Variants in IL1A observed in about 807,000 individuals in gnomAD.
IL1A encodes the protein interleukin 1 alpha, also known as interleukin-1 alpha.
Under a neutral mutation model 22.2 loss-of-function variants are expected in IL1A, and 16 were observed. The observed-to-expected ratio is 0.72, with a 90% CI of 0.49 to 1.09. The LOEUF is 1.09. Among genes scored for constraint, IL1A ranks in the 50% least tolerant of loss-of-function variants. The pLI, the probability that IL1A is intolerant of heterozygous loss-of-function variation, is 0.00. For synonymous variants in IL1A, 113 were observed against 118.5 expected, an observed-to-expected ratio of 0.95 and a Z score of 0.30; for missense variants, 317 against 321.8, an observed-to-expected ratio of 0.99 and a Z score of 0.11.
intron 5 of IL1A, among the ~76,000 whole-genome samples, chr2:112,778,728 A>G (rs1183983994): frequency 2.0e-5 from 3 of 152,226 alleles, no homozygotes; most frequent in Non-Finnish European, 4.4e-5. Context: ...TGAATTGTCT[A>G]GTGATATTAA....
At chr2:112,775,597 G>A (rs1681086165) in intron 6 of IL1A, among the ~76,000 whole-genome samples, 1 of 152,094 alleles carries the variant, frequency 6.6e-6, no homozygotes, top group African/African-American at 2.4e-5. Context: ...CTTCAACATA[G>A]GCCTAAGACA....
chr2:112,775,686 T>TG (rs3783549), intron 6 of IL1A, among the ~76,000 whole-genome samples: 104,418 of 151,864 alleles, frequency 0.69, 36,624 homozygotes, highest in Middle Eastern at 0.79. Flanking sequence ...ATCATACCTT[T>TG]GGAAATCAAT....
chr2:112,781,627 G>C lies in IL1A; in HGVS notation c.296C>G (p.Ala99Gly). 1 of 1,613,638 alleles carries C rather than the reference G, an allele frequency of 6.2e-7. No homozygotes were observed. Among genetic ancestry groups the C allele is most frequent in the Non-Finnish European group, 8.5e-7 (1 of 1,179,552 alleles). The stretch of plus-strand genomic sequence containing the variant: ...ACCTTCCTCTGAGTCATTGGCGATG[G>C]CCTCCAGGTCATCATCAGTGATGGA... ...SQSITDDDLE[A>G]IANDSEEEII... Residue 99 changes from alanine to glycine, a missense_variant, in exon 4 of 7, where the codon GCC becomes GGC. Physicochemically the swap from Ala to Gly is moderately conservative, Grantham distance 60. Coordinates refer to ENST00000263339, the MANE Select transcript of IL1A (RefSeq NM_000575.5).
Position 112,781,800 on chromosome 2 carries a change from G to T in IL1A, c.123C>A (p.Gly41=). 6.2e-7 allele frequency: 1 copy of T among 1,613,502 alleles called. No homozygotes were observed. The highest frequency in any genetic ancestry group is 8.5e-7 in the Non-Finnish European group (1 of 1,179,408). The part of the protein sequence containing the change: ...NQKSFYHVSY[G]PLHEGCMDQS... ...GATCCATGCAGCCTTCATGGAGTGGGCCATAGCTTACATGATAGAAGGATT... is the reference window on the plus strand; with the variant it reads ...GATCCATGCAGCCTTCATGGAGTGGTCCATAGCTTACATGATAGAAGGATT... The change falls in exon 4 of 7, where the codon GGC becomes GGA. Residue 41 remains glycine, a synonymous_variant. Coordinates refer to ENST00000263339, the MANE Select transcript of IL1A (RefSeq NM_000575.5).
rs1221292814 is a variant in IL1A at position 112,782,744 on chromosome 2, G to A, written c.68C>T (p.Ser23Phe). The A allele has an allele frequency of 6.2e-7, 1 of 1,608,386 alleles. No individual in the cohort carries two copies. The highest frequency in any genetic ancestry group is 2.2e-5 in the East Asian group (1 of 44,842). ...ATTCAGAGACAGATGATCAATGGAG[G>A]AACTGTCTTCTTCATTTTCACTGTC... ...NCYSENEEDSSSIDHLSLNQK... is the reference protein window; with the variant it reads ...NCYSENEEDSFSIDHLSLNQK... The change falls in exon 3 of 7, where the codon TCC becomes TTC. Residue 23 changes from serine (S) to phenylalanine (F), a missense_variant. Ser to Phe is a radical substitution (Grantham distance 155). Coordinates refer to ENST00000263339, the MANE Select transcript of IL1A (RefSeq NM_000575.5).
intron 4 of IL1A, among the ~76,000 whole-genome samples, chr2:112,781,019 C>CAA (rs1448538263): frequency 1.4e-5 from 2 of 147,432 alleles, no homozygotes; most frequent in African/African-American, 5.1e-5. Flanking sequence ...GACTCCATCT[C>CAA]AAAAAAATAA....
intron 1 of IL1A, 44 bp from the exon 2 acceptor site, chr2:112,783,822 A>C: frequency 6.4e-7 from 1 of 1,554,474 alleles, no homozygotes; most frequent in Non-Finnish European, 8.9e-7. Flanking sequence ...GCCAGCCTCT[A>C]ATCCAGATAT....
chr2:112,780,722 G>A (rs1681180912), intron 4 of IL1A, among the ~76,000 whole-genome samples: 1 of 97,098 alleles, frequency 1.0e-5, no homozygotes, highest in Non-Finnish European at 2.2e-5. Context: ...TATTCATATA[G>A]GTAGTAGTAG....
Position 112,779,503 on chromosome 2 carries a change from A to G in IL1A, c.483T>C (p.Asp161=). The change falls in exon 5 of 7, where the codon GAT becomes GAC. Residue 161 remains aspartate, a synonymous_variant. Transcript: ENST00000263339. ...YLTAAALHNL[D]EAVKFDMGAY... ...GGTGCCATTTTAATGTACCTGCTTC[A>G]TCCAGATTATGTAATGCAGCAGCCG... 3 of 1,579,622 alleles carry G rather than the reference A, an allele frequency of 1.9e-6. No homozygotes were observed. Among genetic ancestry groups the G allele is most frequent in the Non-Finnish European group, 2.6e-6 (3 of 1,152,802 alleles).
chr2:112,781,709 C>T lies in IL1A; in HGVS notation c.214G>A (p.Val72Met). 1 of 1,614,144 alleles carries T rather than the reference C, an allele frequency of 6.2e-7. No homozygotes were observed. The highest frequency in any genetic ancestry group is 2.2e-5 in the East Asian group (1 of 44,878). Residue 72 changes from valine to methionine, a missense_variant, in exon 4 of 7, where the codon GTG becomes ATG. Transcript: ENST00000263339. Reference sequence around the variant, plus strand: ...ACCTTCCCGTTGGTTGCTACTACCACCATGCTCTCCTTGAAGGTAAGCTTG... The same window carrying T: ...ACCTTCCCGTTGGTTGCTACTACCATCATGCTCTCCTTGAAGGTAAGCTTG... The part of the protein sequence containing the change: ...TSKLTFKESM[V>M]VVATNGKVLK...
chr2:112,777,954 A>T, intron 6 of IL1A, 33 bp downstream of exon 6: 1 of 1,612,360 alleles, frequency 6.2e-7, no homozygotes, highest in African/African-American at 1.3e-5. Context: ...TGAGATGTAA[A>T]TGAAGGTAAG....
At chr2:112,782,282 G>T (rs192472630) in intron 3 of IL1A, among the ~76,000 whole-genome samples, 1 of 152,196 alleles carries the variant, frequency 6.6e-6, no homozygotes, top group Non-Finnish European at 1.5e-5. Flanking sequence ...ATTGATGAGT[G>T]GCTGTAGACT....
Position 112,778,110 on chromosome 2 carries a change from C to T in IL1A, c.492G>A (p.Val164=). The change falls in exon 6 of 7, where the codon GTG becomes GTA. Residue 164 remains valine, a splice_region_variant and synonymous_variant. Coordinates refer to ENST00000263339, the MANE Select transcript of IL1A (RefSeq NM_000575.5). ...AAALHNLDEA[V]KFDMGAYKSS... is the part of the protein sequence containing the mutation. ...ACTTATAAGCACCCATGTCAAATTT[C>T]ACTGGTGAAGAGAAGAACCAAAAAG... The T allele has an allele frequency of 6.2e-7, 1 of 1,612,602 alleles. No individual in the cohort carries two copies. Among genetic ancestry groups the T allele is most frequent in the Non-Finnish European group, 8.5e-7 (1 of 1,179,300 alleles).
Position 112,775,176 on chromosome 2 carries a change from G to C in IL1A, c.707C>G (p.Ser236Ter). ...AATAAACAAGTTTGGATGGGCAACT[G>C]ATGTGAAATAGTTCTTAGTGCCGTG... ...ETHGTKNYFT[S>*]VAHPNLFIAT... The change falls in exon 7 of 7, where the codon TCA becomes TGA. Residue 236 changes from serine (S) to a stop codon, truncating the protein, a stop_gained. Transcript: ENST00000263339. LOFTEE classifies it low-confidence loss of function (END_TRUNC). 1 of 1,614,166 alleles carries C rather than the reference G, an allele frequency of 6.2e-7. No homozygotes were observed. Among genetic ancestry groups the C allele is most frequent in the South Asian group, 1.1e-5 (1 of 91,090 alleles).
chr2:112,775,079 T>A lies in IL1A; in HGVS notation c.804A>T (p.Glu268Asp). The change falls in exon 7 of 7, where the codon GAA becomes GAT. Residue 268 changes from glutamate to aspartate, a missense_variant. By Grantham distance (45) the Glu-to-Asp change is conservative. Coordinates refer to ENST00000263339, the MANE Select transcript of IL1A (RefSeq NM_000575.5). The stretch of plus-strand genomic sequence containing the variant: ...TGAGACTCCAGACCTACGCCTGGTT[T>A]TCCAGTATCTGAAAGTCAGTGATAG... ...PPSITDFQILENQA is the reference protein window; with the variant it reads ...PPSITDFQILDNQA The A allele has an allele frequency of 6.2e-7, 1 of 1,613,990 alleles. No individual in the cohort carries two copies. Among genetic ancestry groups the A allele is most frequent in the South Asian group, 1.1e-5 (1 of 91,076 alleles).
At chr2:112,781,366 C>T (rs576624026) in intron 4 of IL1A, among the ~76,000 whole-genome samples, 14 of 152,162 alleles carry the variant, frequency 9.2e-5, no homozygotes, top group Admixed American at 8.5e-4. Context: ...AAAAGTCACA[C>T]GACCTTTACA....
chr2:112,782,395 G>A (rs2856838), intron 3 of IL1A, among the ~76,000 whole-genome samples: 55,868 of 152,030 alleles, frequency 0.37, 10,455 homozygotes, highest in Middle Eastern at 0.41. Flanking sequence ...AACACATCAC[G>A]TTAGGAGACA....
At chr2:112,781,537 C>T in intron 4 of IL1A, 67 bp downstream of exon 4, 2 of 1,260,442 alleles carry the variant, frequency 1.6e-6, no homozygotes, top group Non-Finnish European at 1.2e-6. Context: ...TAATTTTCCC[C>T]TAAATTCTAC....
At chr2:112,775,471 G>A (rs571034268) in intron 6 of IL1A, among the ~76,000 whole-genome samples, 1 of 152,182 alleles carries the variant, frequency 6.6e-6, no homozygotes, top group Non-Finnish European at 1.5e-5. Flanking sequence ...CTATTAATAA[G>A]AGTTGATTTC....
Sources: allele counts gnomAD v4.1 joint callset (sites outside exome capture counted in the v4.1 genomes callset), GRCh38; gene constraint gnomAD v4.1.1; transcripts MANE v1.5; gene names NCBI Gene and HGNC (gene_info 2026-07-23, HGNC 2026-07-21).